Variants in STK10 observed in about 807,000 individuals in gnomAD.
The protein encoded by STK10 is serine/threonine kinase 10, also known as serine/threonine-protein kinase 10.
In STK10, 78 loss-of-function variants were observed where a neutral mutation model predicts 113.8. That is an observed-to-expected ratio of 0.69 (90% CI 0.57 to 0.83). STK10 has a LOEUF of 0.83. Among genes scored for constraint, STK10 ranks in the 40% least tolerant of loss-of-function variants. STK10 has a pLI of 0.00. For synonymous variants in STK10, 465 were observed against 494.7 expected (o/e 0.94, Z 0.80); for missense variants, 1,109 against 1,280.1 (o/e 0.87, Z 2.04).
At position 172,187,745 on chromosome 5, in the gene STK10, C is replaced by A; in HGVS notation, c.156+142G>T. On this transcript the variant is annotated intron_variant, in intron 1 of 18. Coordinates refer to ENST00000176763, the MANE Select transcript of STK10 (RefSeq NM_005990.4). This position sits in a 1 kb window ranked among gnomAD's most constrained non-coding sequence, Gnocchi z 4.6. ...GATGTTCCCCCCAAAAAACAAGAGT[C>A]ATCGGGATGAGGGCCAGGGACCCCG... 1 of 1,271,626 alleles carries A rather than the reference C, an allele frequency of 7.9e-7. No homozygotes were observed. The highest frequency in any genetic ancestry group is 1.1e-6 in the Non-Finnish European group (1 of 939,872). 78.8% of individuals were successfully genotyped at this position (1,271,626 alleles called of 1,614,324 possible).
rs1249156803 is a variant in STK10 at position 172,162,234 on chromosome 5, G to A, written c.157-5446C>T. Among the ~76,000 whole-genome samples, 3 of 152,084 alleles carry A rather than the reference G, an allele frequency of 2.0e-5. No individual in the cohort carries two copies. The South Asian group carries it at 6.2e-4, about 32-fold the overall frequency. On this transcript the variant is annotated intron_variant, in intron 1 of 18. Transcript: ENST00000176763. ...TGGGTGCCTGTAATCCCAGCTACTC[G>A]GGAGGCTGGGGCAGGAGAATTGCTT...
chr5:172,047,864 T>C (rs571055077), intron 18 of STK10, among the ~76,000 whole-genome samples: 1 of 151,782 alleles, frequency 6.6e-6, no homozygotes, highest in East Asian at 1.9e-4. Flanking sequence ...AGCTTCACTG[T>C]ACAAATAACC....
intron 1 of STK10, among the ~76,000 whole-genome samples, chr5:172,167,326 T>A (rs1045885279): frequency 2.0e-5 from 3 of 151,950 alleles, no homozygotes; most frequent in African/African-American, 7.3e-5. Context: ...AAGAAGATAA[T>A]ACAGTAATGA....
chr5:172,064,699 C>T, intron 13 of STK10, 21 bp downstream of exon 13: 4 of 1,612,620 alleles, frequency 2.5e-6, no homozygotes, highest in Non-Finnish European at 3.4e-6. Flanking sequence ...CTGCGCTCCC[C>T]AGCTGAGGCC....
chr5:172,054,515 C>T, intron 17 of STK10, 54 bp downstream of exon 17: 1 of 1,588,544 alleles, frequency 6.3e-7, no homozygotes, highest in Admixed American at 1.7e-5. Context: ...ATCTGATGGC[C>T]TTGGGGAAAC....
chr5:172,146,014 C>A (rs1249650331), intron 2 of STK10, among the ~76,000 whole-genome samples: 2 of 152,208 alleles, frequency 1.3e-5, no homozygotes, highest in East Asian at 3.8e-4. Flanking sequence ...ACACTGCGCA[C>A]ACACACACAC....
chr5:172,186,099 C>T (rs1233518152), intron 1 of STK10, among the ~76,000 whole-genome samples: 1 of 151,814 alleles, frequency 6.6e-6, no homozygotes, highest in Non-Finnish European at 1.5e-5. Context: ...CATGGTGAAA[C>T]CCCGTCTCTA....
At chr5:172,146,013 A>G (rs528190785) in intron 2 of STK10, among the ~76,000 whole-genome samples, 5 of 152,282 alleles carry the variant, frequency 3.3e-5, no homozygotes, top group African/African-American at 7.2e-5. Context: ...AACACTGCGC[A>G]CACACACACA....
chr5:172,101,398 G>A (rs893368302), intron 7 of STK10, among the ~76,000 whole-genome samples: 4 of 151,934 alleles, frequency 2.6e-5, no homozygotes, highest in African/African-American at 9.7e-5. Flanking sequence ...TTGAACCCAG[G>A]GGGTGGAGGC....
intron 12 of STK10, among the ~76,000 whole-genome samples, chr5:172,073,244 C>T (rs374673101): frequency 1.3e-5 from 2 of 152,226 alleles, no homozygotes; most frequent in African/African-American, 4.8e-5. Flanking sequence ...CCTCTGCCTC[C>T]CGGGTTCAAG....
At chr5:172,173,840 G>T (rs1770704814) in intron 1 of STK10, among the ~76,000 whole-genome samples, 1 of 152,190 alleles carries the variant, frequency 6.6e-6, no homozygotes, top group South Asian at 2.1e-4. Flanking sequence ...TTTACATCTT[G>T]TGTGTGAGGC....
chr5:172,082,238 C>T lies in STK10; in HGVS notation c.1989+88G>A. The T allele has an allele frequency of 7.1e-7, 1 of 1,405,402 alleles. No homozygotes were observed. Among genetic ancestry groups the T allele is most frequent in the Non-Finnish European group, 9.4e-7 (1 of 1,068,412 alleles). The allele number at this position is 1,405,402 out of a possible 1,614,324, so 87.1% of individuals were successfully genotyped here. On this transcript the variant is annotated intron_variant, in intron 12 of 18. Coordinates refer to ENST00000176763, the MANE Select transcript of STK10 (RefSeq NM_005990.4). The surrounding 1 kb of genome is among the most constrained non-coding windows in gnomAD (Gnocchi z 4.3). ...CTCTTCAGCCGTACCCCTCTGCTGC[C>T]AAGGTGAGGTTGAGGCCACGATCAC...
At position 172,134,923 on chromosome 5, in the gene STK10, C is replaced by CAA. The variant is rs546228084; in HGVS notation, c.322-7504_322-7503dup. ...TGGGAGAAAGAACAAGACTTTATCTCAAAAAAAAAAAGAAAAAGAAAAAGT... is the reference window on the plus strand; with the variant it reads ...TGGGAGAAAGAACAAGACTTTATCTCAAAAAAAAAAAAAGAAAAAGAAAAAGT... On this transcript the variant is annotated intron_variant, in intron 2 of 18. Coordinates refer to ENST00000176763, the MANE Select transcript of STK10 (RefSeq NM_005990.4). 3.7e-4 allele frequency among the ~76,000 whole-genome samples: 47 copies of CAA among 126,760 alleles called. 1 individual carries two copies. The highest frequency in any genetic ancestry group is 1.1e-3 in the African/African-American group (40 of 35,656). The allele number at this position is 126,760 out of a possible 152,430, so 83.2% of individuals were successfully genotyped here. A position where few individuals can be genotyped will look rare whatever the true frequency, so the allele number is the denominator to read the frequency against.
In STK10 at chr5:172,052,913, G is replaced by A; in HGVS notation, c.2766+16C>T. ...GCAGAGCCCGAGACTGAGCCCACCA[G>A]CTCGGATAAAGTTACCTTCTTGCGC... is the stretch of plus-strand genomic sequence containing the variant. On this transcript the variant is annotated intron_variant, in intron 18 of 18. Coordinates refer to ENST00000176763, the MANE Select transcript of STK10 (RefSeq NM_005990.4). 1 of 1,612,378 alleles carries A rather than the reference G, an allele frequency of 6.2e-7. No individual in the cohort carries two copies. Among genetic ancestry groups the A allele is most frequent in the Non-Finnish European group, 8.5e-7 (1 of 1,179,036 alleles).
chr5:172,096,381 C>A lies in STK10; in HGVS notation c.1005+45G>T, dbSNP rs770642358. 3.7e-6 allele frequency: 6 copies of A among 1,601,410 alleles called. No homozygotes were observed. In the South Asian group the frequency reaches 6.6e-5, roughly 18 times the overall value. Reference sequence around the variant, plus strand: ...CCACACCAGCAGGGCCAGCTGAGATCCTGTCCTCCCAGCCCCCGCTAAGCC... The same window carrying A: ...CCACACCAGCAGGGCCAGCTGAGATACTGTCCTCCCAGCCCCCGCTAAGCC... On this transcript the variant is annotated intron_variant, in intron 8 of 18. Transcript: ENST00000176763.
At chr5:172,089,802 T>C (rs1768656021) in intron 10 of STK10, among the ~76,000 whole-genome samples, 1 of 151,884 alleles carries the variant, frequency 6.6e-6, no homozygotes, top group Non-Finnish European at 1.5e-5. Flanking sequence ...GATAGATGGA[T>C]AGGCAGACAG....
intron 7 of STK10, among the ~76,000 whole-genome samples, chr5:172,103,738 T>C (rs1769043316): frequency 6.6e-6 from 1 of 152,046 alleles, no homozygotes; most frequent in East Asian, 1.9e-4. Flanking sequence ...TCATTTTGCA[T>C]TCTGGTTCTT....
intron 4 of STK10, chr5:172,114,473 A>ATATATATATATATTTTTT (rs1226289994): frequency 4.2e-5 from 2 of 47,538 alleles, no homozygotes; most frequent in African/African-American, 1.4e-4. Flanking sequence ...ATATATATAT[A>ATATATATATATATTTTTT]TTTTTTTTTT....
chr5:172,116,599 G>C (rs1769390064), intron 4 of STK10, among the ~76,000 whole-genome samples: 1 of 152,006 alleles, frequency 6.6e-6, no homozygotes, highest in Non-Finnish European at 1.5e-5. Flanking sequence ...CGGGCGGGGT[G>C]GTTCACACCT....
Sources: allele counts gnomAD v4.1 joint callset (sites outside exome capture counted in the v4.1 genomes callset), GRCh38; gene constraint gnomAD v4.1.1; non-coding constraint Gnocchi (gnomAD v3.1); transcripts MANE v1.5; gene names NCBI Gene and HGNC (gene_info 2026-07-23, HGNC 2026-07-21).